VWA3B: variants seen among roughly 807,000 people sequenced by gnomAD.
The protein encoded by VWA3B is von Willebrand factor A domain-containing protein 3B.
VWA3B carries 138 observed loss-of-function variants against 158.3 expected under a neutral mutation model. The observed-to-expected ratio is 0.87, with a 90% CI of 0.76 to 1.00. The LOEUF (loss-of-function observed/expected upper bound fraction) is 1.00. Among genes scored for constraint, VWA3B ranks in the 50% least tolerant of loss-of-function variants. VWA3B has a pLI of 0.00. For synonymous variants in VWA3B, 596 were observed against 587.3 expected (o/e 1.01, Z -0.21); for missense variants, 1,555 against 1,565.1 (o/e 0.99, Z 0.11).
At chr2:98,172,764 G>A (rs961675679) in intron 8 of VWA3B, among the ~76,000 whole-genome samples, 1 of 152,204 alleles carries the variant, frequency 6.6e-6, no homozygotes, top group Non-Finnish European at 1.5e-5. Context: ...GAGGAGAACT[G>A]GGTCAGGGTG....
intron 2 of VWA3B, among the ~76,000 whole-genome samples, chr2:98,101,604 G>A (rs1683077409): frequency 6.6e-6 from 1 of 152,180 alleles, no homozygotes; most frequent in South Asian, 2.1e-4. Flanking sequence ...CTGGTACTAA[G>A]GAAGATCTAG....
At chr2:98,231,522 C>A (rs1685333154) in intron 16 of VWA3B, among the ~76,000 whole-genome samples, 1 of 152,128 alleles carries the variant, frequency 6.6e-6, no homozygotes, top group African/African-American at 2.4e-5. Context: ...GCCCTTTCAA[C>A]AAAGATGCTG....
intron 8 of VWA3B, 108 bp downstream of exon 8, chr2:98,163,084 C>G: frequency 1.3e-6 from 2 of 1,520,356 alleles, no homozygotes; most frequent in Non-Finnish European, 1.8e-6. Flanking sequence ...AGCCCAGCTG[C>G]GAGGGGCTGC....
chr2:98,235,607 G>A (rs967921790), intron 17 of VWA3B, among the ~76,000 whole-genome samples: 1 of 152,112 alleles, frequency 6.6e-6, no homozygotes, highest in African/African-American at 2.4e-5. Flanking sequence ...TGTATTTTTA[G>A]TAGAGACAGG....
At chr2:98,227,597 G>C (rs1035828862) in intron 14 of VWA3B, among the ~76,000 whole-genome samples, 16 of 152,180 alleles carry the variant, frequency 1.1e-4, no homozygotes, top group African/African-American at 3.9e-4. Context: ...GCTACAACAT[G>C]GGTGAATCTT....
At chr2:98,268,764 C>T (rs953436227) in intron 21 of VWA3B, among the ~76,000 whole-genome samples, 25 of 151,332 alleles carry the variant, frequency 1.7e-4, no homozygotes, top group African/African-American at 6.1e-4. Context: ...CAGATTTAAG[C>T]ATGTGAACAT....
At chr2:98,284,243 A>G (rs1027881561) in intron 22 of VWA3B, among the ~76,000 whole-genome samples, 2 of 152,216 alleles carry the variant, frequency 1.3e-5, no homozygotes, top group Non-Finnish European at 2.9e-5. Context: ...CCCTCAGCTT[A>G]TTTATTCTCC....
chr2:98,141,239 C>A (rs114674075), intron 7 of VWA3B, among the ~76,000 whole-genome samples: 1 of 152,112 alleles, frequency 6.6e-6, no homozygotes, highest in Non-Finnish European at 1.5e-5. Context: ...TGTGTGTATG[C>A]GTCTGTTTTG....
At chr2:98,321,289 T>A in the VWA3B span, among the ~76,000 whole-genome samples, 7 of 152,230 alleles carry the variant, frequency 4.6e-5, no homozygotes, top group Non-Finnish European at 1.0e-4. Context: ...GCTAGGGCAG[T>A]GCAGAAGGAA....
intron 7 of VWA3B, among the ~76,000 whole-genome samples, chr2:98,140,432 C>T (rs1014275214): frequency 1.3e-5 from 2 of 152,212 alleles, no homozygotes; most frequent in African/African-American, 4.8e-5. Context: ...TTCTAAGCCT[C>T]TCCTCCTCGT....
At chr2:98,215,169 C>T (rs896037384) in intron 13 of VWA3B, among the ~76,000 whole-genome samples, 15 of 152,052 alleles carry the variant, frequency 9.9e-5, no homozygotes, top group African/African-American at 2.9e-4. Context: ...AGGCCAGGCG[C>T]GGTGGCTCAT....
chr2:98,304,094 C>A (rs902975827), intron 26 of VWA3B, among the ~76,000 whole-genome samples: 16 of 152,076 alleles, frequency 1.1e-4, no homozygotes, highest in African/African-American at 3.1e-4. Context: ...GACTGAAGGC[C>A]TTCTAATTAA....
At chr2:98,215,988 T>G (rs527334216) in intron 13 of VWA3B, among the ~76,000 whole-genome samples, 4 of 152,314 alleles carry the variant, frequency 2.6e-5, no homozygotes, top group South Asian at 2.1e-4. Context: ...TCAATTTCCA[T>G]TTTTTGCTTT....
intron 7 of VWA3B, among the ~76,000 whole-genome samples, chr2:98,155,276 T>C (rs1011549061): frequency 6.6e-6 from 1 of 152,130 alleles, no homozygotes; most frequent in Non-Finnish European, 1.5e-5. Context: ...AACTGGGTGG[T>C]TTCAGACGTA....
At chr2:98,088,825 C>G (rs944887331) in intron 1 of VWA3B, among the ~76,000 whole-genome samples, 4 of 152,196 alleles carry the variant, frequency 2.6e-5, no homozygotes, top group African/African-American at 9.6e-5. Flanking sequence ...GCAATCTTGG[C>G]TTACTGCAAC....
chr2:98,199,543 C>T (rs199877434), intron 12 of VWA3B, among the ~76,000 whole-genome samples: 9 of 152,114 alleles, frequency 5.9e-5, no homozygotes, highest in African/African-American at 9.7e-5. Context: ...GAGGACCAGG[C>T]GACTCTTGCT....
At chr2:98,313,493 G>A (rs986872415), downstream of VWA3B, among the ~76,000 whole-genome samples, 3 of 152,214 alleles carry the variant, frequency 2.0e-5, no homozygotes, top group Non-Finnish European at 2.9e-5. Flanking sequence ...CTGGAAGGAA[G>A]GAAGGGTATG....
At chr2:98,193,716 A>G (rs1044651711) in intron 11 of VWA3B, among the ~76,000 whole-genome samples, 9 of 151,916 alleles carry the variant, frequency 5.9e-5, no homozygotes, top group African/African-American at 2.2e-4. Flanking sequence ...CTGTCTCCCA[A>G]GTAGCTGGGA....
intron 22 of VWA3B, among the ~76,000 whole-genome samples, chr2:98,276,388 G>A (rs1688523182): frequency 6.6e-6 from 1 of 152,180 alleles, no homozygotes; most frequent in South Asian, 2.1e-4. Context: ...ACGCATCAGA[G>A]ATGCAAGTCA....
Sources: allele counts gnomAD v4.1 joint callset (sites outside exome capture counted in the v4.1 genomes callset), GRCh38; gene constraint gnomAD v4.1.1; transcripts MANE v1.5; gene names NCBI Gene and HGNC (gene_info 2026-07-23, HGNC 2026-07-21).